GALNT13: variants seen among roughly 807,000 people sequenced by gnomAD.
GALNT13 encodes the protein UDP-GalNAc:polypeptide N-acetylgalactosaminyltransferase 13.
In GALNT13, 28 loss-of-function variants were observed where a neutral mutation model predicts 64.2. That is an observed-to-expected ratio of 0.44 (90% CI 0.32 to 0.60). The LOEUF is 0.60. GALNT13 is among the 20% of genes least tolerant of loss of function. The pLI is 0.05. For synonymous variants in GALNT13, 214 were observed against 224.6 expected (o/e 0.95, Z 0.42); for missense variants, 577 against 669.8 (o/e 0.86, Z 1.53).
chr2:153,646,561 C>A, the GALNT13 span, among the ~76,000 whole-genome samples: 1 of 151,868 alleles, frequency 6.6e-6, no homozygotes, highest in African/African-American at 2.4e-5. Flanking sequence ...GTGCTGCACC[C>A]ATTAACTCGT....
At chr2:153,970,649 A>C (rs546671157) in intron 3 of GALNT13, among the ~76,000 whole-genome samples, 10 of 152,050 alleles carry the variant, frequency 6.6e-5, no homozygotes, top group Non-Finnish European at 1.2e-4. Flanking sequence ...ATCTTTTTGG[A>C]TTCTAAGAAA....
the GALNT13 span, among the ~76,000 whole-genome samples, chr2:153,541,612 T>C: frequency 6.6e-6 from 1 of 152,210 alleles, no homozygotes; most frequent in Admixed American, 6.5e-5. Flanking sequence ...AAATAAATTA[T>C]CTGATCTACC....
the GALNT13 span, among the ~76,000 whole-genome samples, chr2:153,434,197 T>A: frequency 2.0e-5 from 3 of 152,190 alleles, no homozygotes; most frequent in Admixed American, 6.5e-5. Flanking sequence ...CCATGGTGTA[T>A]ATGTGCCACA....
At chr2:153,642,064 T>C in the GALNT13 span, among the ~76,000 whole-genome samples, 5 of 152,004 alleles carry the variant, frequency 3.3e-5, no homozygotes, top group Non-Finnish European at 7.4e-5. Context: ...TTACTGTGTC[T>C]AGGGGAAGTA....
At chr2:154,387,531 T>TCCTG (rs138160073) in intron 9 of GALNT13, among the ~76,000 whole-genome samples, 1 of 118,330 alleles carries the variant, frequency 8.5e-6, no homozygotes, top group Non-Finnish European at 1.8e-5. Flanking sequence ...AACGTGTTTC[T>TCCTG]CCTATCTGAA....
At chr2:154,372,089 A>G (rs563074310) in intron 9 of GALNT13, among the ~76,000 whole-genome samples, 4 of 152,124 alleles carry the variant, frequency 2.6e-5, no homozygotes, top group Non-Finnish European at 5.9e-5. Context: ...TTTTCAGTCA[A>G]TAGTACAGAA....
At chr2:154,101,516 G>A (rs1467763101) in intron 3 of GALNT13, among the ~76,000 whole-genome samples, 5 of 151,824 alleles carry the variant, frequency 3.3e-5, no homozygotes, top group African/African-American at 1.2e-4. Context: ...TGTCATTTTT[G>A]ATTGCGCTTA....
At chr2:153,588,886 G>C in the GALNT13 span, among the ~76,000 whole-genome samples, 1 of 152,164 alleles carries the variant, frequency 6.6e-6, no homozygotes, top group African/African-American at 2.4e-5. Context: ...TCTTCTGCAG[G>C]CTGGGGCATG....
chr2:154,325,931 T>G (rs1284411241), intron 9 of GALNT13, among the ~76,000 whole-genome samples: 1 of 152,058 alleles, frequency 6.6e-6, no homozygotes, highest in African/African-American at 2.4e-5. Context: ...AGACCCACAC[T>G]CCGAGGGCGG....
chr2:154,429,281 G>A (rs985632472), intron 11 of GALNT13, among the ~76,000 whole-genome samples: 7 of 152,138 alleles, frequency 4.6e-5, no homozygotes, highest in African/African-American at 1.7e-4. Flanking sequence ...CAAACAGCTG[G>A]AAAAATAGTG....
rs562982786 is a variant in GALNT13, at chr2:153,983,292, A to G, written c.142+38653A>G. 4.4e-4 allele frequency among the ~76,000 whole-genome samples: 67 copies of G among 152,004 alleles called. 1 individual carries two copies. The highest frequency in any genetic ancestry group is 1.6e-3 in the African/African-American group (66 of 41,534). On this transcript the variant is annotated intron_variant, in intron 3 of 12. Coordinates refer to ENST00000392825, the MANE Select transcript of GALNT13 (RefSeq NM_052917.4). ...GGTCTTATAGTAGCTTAGAAAATAT[A>G]ATTACTTACGGTATGAAAATATTAT...
the GALNT13 span, among the ~76,000 whole-genome samples, chr2:153,628,687 G>T: frequency 1.3e-5 from 2 of 152,142 alleles, no homozygotes; most frequent in African/African-American, 4.8e-5. Flanking sequence ...TGCATCCCAG[G>T]GATGAAGCCC....
chr2:153,144,279 G>C, the GALNT13 span, among the ~76,000 whole-genome samples: 1 of 151,876 alleles, frequency 6.6e-6, no homozygotes, highest in Non-Finnish European at 1.5e-5. Context: ...TGGAGATCTA[G>C]TATTGGTTCT....
chr2:153,183,028 C>T, the GALNT13 span, among the ~76,000 whole-genome samples: 20 of 152,118 alleles, frequency 1.3e-4, no homozygotes, highest in Admixed American at 4.6e-4. Flanking sequence ...GTATATCTGC[C>T]TCTGGGTCTT....
At chr2:154,123,376 C>T (rs541521205) in intron 3 of GALNT13, among the ~76,000 whole-genome samples, 1 of 151,908 alleles carries the variant, frequency 6.6e-6, no homozygotes, top group Non-Finnish European at 1.5e-5. Flanking sequence ...TATTATGGTT[C>T]AGTCTAGGGT....
chr2:153,124,500 T>TTTTGTTTGTTTGTTTG, the GALNT13 span, among the ~76,000 whole-genome samples: 4 of 152,014 alleles, frequency 2.6e-5, no homozygotes, highest in African/African-American at 9.7e-5. Flanking sequence ...GCTCGCTTTG[T>TTTTGTTTGTTTGTTTG]TTTGTTTGTT....
At chr2:154,341,510 G>C (rs566785107) in intron 9 of GALNT13, among the ~76,000 whole-genome samples, 79 of 152,182 alleles carry the variant, frequency 5.2e-4, no homozygotes, top group African/African-American at 1.8e-3. Flanking sequence ...AAAAAAGATA[G>C]TATATTCCAG....
chr2:154,088,832 T>C (rs1480486168), intron 3 of GALNT13, among the ~76,000 whole-genome samples: 1 of 152,162 alleles, frequency 6.6e-6, no homozygotes, highest in African/African-American at 2.4e-5. Context: ...GTTTTTGTTC[T>C]TGATACCAAT....
the GALNT13 span, among the ~76,000 whole-genome samples, chr2:153,306,105 T>C: frequency 1.4e-4 from 22 of 152,232 alleles, no homozygotes; most frequent in African/African-American, 4.6e-4. Context: ...TGGGGATTTC[T>C]TTATGACCCA....
Sources: allele counts gnomAD v4.1 joint callset (sites outside exome capture counted in the v4.1 genomes callset), GRCh38; gene constraint gnomAD v4.1.1; transcripts MANE v1.5; gene names NCBI Gene and HGNC (gene_info 2026-07-23, HGNC 2026-07-21).